The following TRMT1L variants were observed in gnomAD, a reference collection of about 807,000 sequenced individuals.
TRMT1L encodes tRNA (guanine(27)-N(2))-dimethyltransferase.
TRMT1L carries 28 observed loss-of-function variants against 81.6 expected under a neutral mutation model. The ratio of observed to expected loss-of-function variants is 0.34; its 90% CI spans 0.25 to 0.47. The LOEUF (loss-of-function observed/expected upper bound fraction) is 0.47. Ranked by LOEUF, TRMT1L falls within the 20% of genes least tolerant of loss-of-function variation. The pLI is 1.00. For synonymous variants in TRMT1L, 301 were observed against 303.2 expected (o/e 0.99, Z 0.07); for missense variants, 739 against 877.1 (o/e 0.84, Z 1.99).
chr1:185,123,291 CATCTAGA>C (rs1453611270), intron 13 of TRMT1L, among the ~76,000 whole-genome samples: 3 of 152,184 alleles, frequency 2.0e-5, no homozygotes, highest in Non-Finnish European at 4.4e-5. Flanking sequence ...TCAAAAAACA[CATCTAGA>C]ATCTAAAGTT....
At chr1:185,130,354 C>A (rs943958332) in intron 10 of TRMT1L, among the ~76,000 whole-genome samples, 7 of 151,860 alleles carry the variant, frequency 4.6e-5, no homozygotes, top group African/African-American at 1.5e-4. Context: ...ATGACAGGAA[C>A]AAAAATTAAA....
In TRMT1L at chr1:185,119,597, A is replaced by ACATGGG. The variant is rs1571339389; in HGVS notation, c.*421_*422insCCCATG. ...TCCTATTCTATTCAGGGTCATTTTA[A>ACATGGG]CATGTGAGCCTTCAGCTTCATTTTG... On this transcript the variant is annotated 3_prime_UTR_variant, in exon 15 of 15. Coordinates refer to ENST00000367506, the MANE Select transcript of TRMT1L (RefSeq NM_030934.5). 1 of 155,118 alleles carries ACATGGG rather than the reference A, an allele frequency of 6.4e-6. No homozygotes were observed. The highest frequency in any genetic ancestry group is 1.9e-4 in the East Asian group (1 of 5,284). The allele number at this position is 155,118 out of a possible 1,614,324, so 9.6% of individuals were successfully genotyped here. A position where few individuals can be genotyped will look rare whatever the true frequency, so the allele number is the denominator to read the frequency against.
chr1:185,141,207 A>T (rs1335391150), intron 7 of TRMT1L, among the ~76,000 whole-genome samples: 2 of 152,158 alleles, frequency 1.3e-5, no homozygotes, highest in Non-Finnish European at 2.9e-5. Flanking sequence ...GAATGGAAAA[A>T]TACCATGTGT....
In TRMT1L at chr1:185,150,507, A is replaced by G; in HGVS notation, c.347-15T>C. 1.9e-6 allele frequency: 3 copies of G among 1,563,854 alleles called. No homozygotes were observed. Among genetic ancestry groups the G allele is most frequent in the Non-Finnish European group, 2.6e-6 (3 of 1,135,834 alleles). ...CTGTCTGTTGCCTTAAAAAGAAAAA[A>G]GAATCAATAAACAACAGAATATTCT... On this transcript the variant is annotated splice_polypyrimidine_tract_variant and intron_variant, in intron 2 of 14. Coordinates refer to ENST00000367506, the MANE Select transcript of TRMT1L (RefSeq NM_030934.5).
chr1:185,144,392 A>G (rs1415975278), intron 5 of TRMT1L, among the ~76,000 whole-genome samples: 1 of 152,050 alleles, frequency 6.6e-6, no homozygotes, highest in Non-Finnish European at 1.5e-5. Context: ...ATCAAACACT[A>G]CATTGTTTGC....
chr1:185,121,454 A>T (rs970467292), intron 13 of TRMT1L, among the ~76,000 whole-genome samples: 1 of 152,122 alleles, frequency 6.6e-6, no homozygotes, highest in African/African-American at 2.4e-5. Context: ...AAAAAAAAAA[A>T]AGTATTGAAA....
At chr1:185,153,503 A>C (rs1402037028) in intron 1 of TRMT1L, among the ~76,000 whole-genome samples, 28 of 152,224 alleles carry the variant, frequency 1.8e-4, no homozygotes, top group Admixed American at 1.8e-3. Context: ...ACAGTTGTAG[A>C]GATCAAGAAA....
intron 1 of TRMT1L, 104 bp from the exon 2 acceptor site, chr1:185,152,039 T>C (rs1653365985): frequency 5.4e-6 from 3 of 550,768 alleles, no homozygotes; most frequent in African/African-American, 2.0e-5. Context: ...CACAGTGTTA[T>C]GGACCTAGAT....
At chr1:185,149,006 A>G (rs1318559390) in intron 3 of TRMT1L, among the ~76,000 whole-genome samples, 1 of 152,200 alleles carries the variant, frequency 6.6e-6, no homozygotes, top group Non-Finnish European at 1.5e-5. Flanking sequence ...ATATATGTTT[A>G]AGATTGATAC....
intron 1 of TRMT1L, among the ~76,000 whole-genome samples, chr1:185,155,470 A>C (rs565845405): frequency 7.4e-4 from 112 of 152,332 alleles, no homozygotes; most frequent in Middle Eastern, 6.8e-3. Context: ...GATTAGCCCT[A>C]CTCTGAAATC....
At chr1:185,153,319 T>C (rs768096216) in intron 1 of TRMT1L, among the ~76,000 whole-genome samples, 57 of 152,272 alleles carry the variant, frequency 3.7e-4, no homozygotes, top group Non-Finnish European at 7.2e-4. Flanking sequence ...TTATTATAGA[T>C]AGATATAATC....
intron 11 of TRMT1L, among the ~76,000 whole-genome samples, chr1:185,127,423 T>C (rs552960324): frequency 9.8e-5 from 15 of 152,300 alleles, no homozygotes; most frequent in Non-Finnish European, 2.1e-4. Context: ...AGAAGAAATT[T>C]GCAATTCTTG....
chr1:185,135,883 G>C (rs1400618346), intron 10 of TRMT1L, among the ~76,000 whole-genome samples: 1 of 151,628 alleles, frequency 6.6e-6, no homozygotes, highest in African/African-American at 2.4e-5. Context: ...AAAAAAACCT[G>C]ACAATAGTTT....
chr1:185,135,714 A>G (rs971806610), intron 10 of TRMT1L, among the ~76,000 whole-genome samples: 2 of 152,062 alleles, frequency 1.3e-5, no homozygotes, highest in African/African-American at 4.8e-5. Context: ...TCAATTCCTA[A>G]GAATTGAAAA....
chr1:185,120,556 C>G (rs763622968), intron 13 of TRMT1L, 47 bp from the exon 14 acceptor site: 2 of 1,447,430 alleles, frequency 1.4e-6, no homozygotes, highest in Non-Finnish European at 1.8e-6. Flanking sequence ...AAATTACAAG[C>G]CAAATACTTT....
At chr1:185,143,333 T>C in intron 7 of TRMT1L, 24 bp downstream of exon 7, 1 of 1,565,116 alleles carries the variant, frequency 6.4e-7, no homozygotes, top group Non-Finnish European at 8.7e-7. Context: ...TAAAATGGGG[T>C]TCCAAAAAAG....
upstream of TRMT1L, chr1:185,156,957 G>T (rs558515674): frequency 5.2e-6 from 3 of 572,186 alleles, no homozygotes; most frequent in Non-Finnish European, 9.0e-6. Context: ...GCGTTACGAC[G>T]CCACCACAAA....
chr1:185,150,554 A>G (rs1487855439), intron 2 of TRMT1L, 62 bp from the exon 3 acceptor site: 4 of 1,217,012 alleles, frequency 3.3e-6, no homozygotes, highest in Non-Finnish European at 2.4e-6. Context: ...CCTGGATTCA[A>G]CTACAAAGAG....
upstream of TRMT1L, chr1:185,157,242 T>TGTGTTGGGAGGCGGGG (rs1377497245): frequency 6.5e-6 from 1 of 153,920 alleles, no homozygotes; most frequent in South Asian, 1.8e-4. Flanking sequence ...GGTGTGTGTG[T>TGTGTTGGGAGGCGGGG]GTGTTGGGAG....
Sources: gnomAD v4.1 joint callset for allele counts (sites outside exome capture counted in the v4.1 genomes callset) on GRCh38, gnomAD v4.1.1 for gene constraint, MANE v1.5 for transcripts, NCBI Gene and HGNC (gene_info 2026-07-23, HGNC 2026-07-21) for gene names.